CPED1: variants seen among roughly 807,000 people sequenced by gnomAD.
The protein encoded by CPED1 is cadherin like and PC-esterase domain containing 1.
A neutral mutation model predicts 128.2 loss-of-function variants in CPED1; 114 were observed. That is an observed-to-expected ratio of 0.89 (90% CI 0.76 to 1.04). CPED1 has a LOEUF of 1.04. CPED1 is among the 50% of genes least tolerant of loss of function. The pLI is 0.00. For synonymous variants in CPED1, 462 were observed against 426.7 expected, an observed-to-expected ratio of 1.08 and a Z score of -1.02; for missense variants, 1,211 against 1,207.1, an observed-to-expected ratio of 1.00 and a Z score of -0.05.
intron 21 of CPED1, among the ~76,000 whole-genome samples, chr7:121,269,105 G>C (rs907255249): frequency 2.0e-5 from 3 of 151,980 alleles, no homozygotes; most frequent in African/African-American, 7.2e-5. Context: ...TGGTATACAA[G>C]TAAGTGTAGC....
At chr7:121,167,725 ATTTTTTTTTT>A (rs10588976) in intron 16 of CPED1, among the ~76,000 whole-genome samples, 2 of 99,264 alleles carry the variant, frequency 2.0e-5, no homozygotes, top group Non-Finnish European at 2.0e-5. Flanking sequence ...TTTAAAGTCT[ATTTTTTTTTT>A]TTTTTTTTTT....
chr7:121,020,987 T>A (rs1468384887), intron 3 of CPED1, among the ~76,000 whole-genome samples: 1 of 151,962 alleles, frequency 6.6e-6, no homozygotes, highest in African/African-American at 2.4e-5. Flanking sequence ...GTTGAGAGTA[T>A]AACATTACAG....
At chr7:121,255,674 A>G (rs1465964439) in intron 18 of CPED1, among the ~76,000 whole-genome samples, 1 of 152,044 alleles carries the variant, frequency 6.6e-6, no homozygotes. Flanking sequence ...AGAGAATGCC[A>G]AAAGGCTCTT....
At chr7:121,203,980 G>A (rs1797463112) in intron 16 of CPED1, among the ~76,000 whole-genome samples, 1 of 152,238 alleles carries the variant, frequency 6.6e-6, no homozygotes, top group African/African-American at 2.4e-5. Flanking sequence ...ATTTGCACCT[G>A]CACTCAGTGA....
intron 7 of CPED1, among the ~76,000 whole-genome samples, chr7:121,106,619 G>A (rs765806676): frequency 3.6e-4 from 55 of 152,018 alleles, no homozygotes; most frequent in Admixed American, 5.9e-4. Context: ...AGGATAGAAT[G>A]TATGTTTCCC....
intron 16 of CPED1, among the ~76,000 whole-genome samples, chr7:121,222,355 G>A (rs1224606960): frequency 6.6e-6 from 1 of 152,134 alleles, no homozygotes; most frequent in Non-Finnish European, 1.5e-5. Context: ...TTTGTTTACT[G>A]TAGCCTTGTA....
chr7:121,141,120 A>C (rs570311552), intron 15 of CPED1, 107 bp downstream of exon 15: 1 of 839,020 alleles, frequency 1.2e-6, no homozygotes, highest in East Asian at 3.1e-5. Context: ...GATCAGTTGA[A>C]AGATTGCCAG....
At chr7:121,095,226 G>T (rs1794671734) in intron 5 of CPED1, among the ~76,000 whole-genome samples, 1 of 152,070 alleles carries the variant, frequency 6.6e-6, no homozygotes, top group South Asian at 2.1e-4. Flanking sequence ...GAAGGGGGAT[G>T]GATTAATAAA....
chr7:121,125,463 C>T (rs1795480034), intron 8 of CPED1, among the ~76,000 whole-genome samples: 1 of 152,000 alleles, frequency 6.6e-6, no homozygotes, highest in African/African-American at 2.4e-5. Flanking sequence ...CTCTCCTTGC[C>T]CCCCAACCCC....
chr7:121,026,409 C>A (rs114724085), intron 3 of CPED1, among the ~76,000 whole-genome samples: 6 of 152,092 alleles, frequency 3.9e-5, no homozygotes, highest in African/African-American at 1.4e-4. Flanking sequence ...CATCCTTGTG[C>A]TATCATAGTG....
At chr7:121,260,223 G>GTTTTTTTTTTTTT (rs59370305) in intron 18 of CPED1, among the ~76,000 whole-genome samples, 2 of 69,978 alleles carry the variant, frequency 2.9e-5, no homozygotes, top group African/African-American at 5.7e-5. Flanking sequence ...CTTGCTTCGC[G>GTTTTTTTTTTTTT]TTTTTTTTTT....
At position 121,250,511 on chromosome 7, in the gene CPED1, C is replaced by CA. The variant is rs1160294312; in HGVS notation, c.2310+6179dup. 3.3e-5 allele frequency among the ~76,000 whole-genome samples: 5 copies of CA among 152,090 alleles called. No individual in the cohort carries two copies. The South Asian group carries it at 8.3e-4, about 25-fold the overall frequency. ...GGAAATAGAGACACAAAAAACCCTT[C>CA]AAAAAATCAGTGAATCCAGGAGCTG... On this transcript the variant is annotated intron_variant, in intron 18 of 22. Coordinates refer to ENST00000310396, the MANE Select transcript of CPED1 (RefSeq NM_024913.5).
At chr7:121,135,934 G>T in intron 13 of CPED1, 106 bp from the exon 14 acceptor site, 1 of 857,482 alleles carries the variant, frequency 1.2e-6, no homozygotes, top group Non-Finnish European at 1.7e-6. Flanking sequence ...TATAATAAAA[G>T]TTAAATGAAA....
In CPED1 at chr7:121,271,315, T is replaced by G; in HGVS notation, c.2753T>G (p.Leu918Trp). 6.2e-7 allele frequency: 1 copy of G among 1,612,048 alleles called. No individual in the cohort carries two copies. The highest frequency in any genetic ancestry group is 1.1e-5 in the South Asian group (1 of 90,850). ...SEVQNLWKENLIILDTAKKHG... is the reference protein window; with the variant it reads ...SEVQNLWKENWIILDTAKKHG... Reference sequence around the variant, plus strand: ...GTACAGAACTTATGGAAAGAAAATTTGATTATTCTGGATACTGCAAAAAAA... The same window carrying G: ...GTACAGAACTTATGGAAAGAAAATTGGATTATTCTGGATACTGCAAAAAAA... The change falls in exon 22 of 23, where the codon TTG (leucine) becomes TGG (tryptophan). Residue 918 changes from leucine (L) to tryptophan (W), a missense_variant. Physicochemically the swap from Leu to Trp is moderately conservative, Grantham distance 61. Transcript: ENST00000310396.
At chr7:121,110,332 G>C (rs1167265387) in intron 7 of CPED1, among the ~76,000 whole-genome samples, 1 of 152,120 alleles carries the variant, frequency 6.6e-6, no homozygotes, top group Non-Finnish European at 1.5e-5. Context: ...ATGAAAAACA[G>C]ATAATTAATT....
intron 5 of CPED1, among the ~76,000 whole-genome samples, chr7:121,079,262 C>A (rs994503467): frequency 1.3e-5 from 2 of 151,988 alleles, no homozygotes; most frequent in Non-Finnish European, 2.9e-5. Flanking sequence ...CACATGGAAA[C>A]GAGAGAACAG....
chr7:121,201,536 G>A (rs1348024231), intron 16 of CPED1, among the ~76,000 whole-genome samples: 1 of 150,348 alleles, frequency 6.7e-6, no homozygotes, highest in Non-Finnish European at 1.5e-5. Context: ...AGGAAGGAAG[G>A]AAGAAAGGAA....
Position 121,295,540 on chromosome 7 carries a change from A to G in CPED1, c.2969A>G (p.Gln990Arg). 1 of 1,614,160 alleles carries G rather than the reference A, an allele frequency of 6.2e-7. No individual in the cohort carries two copies. Among genetic ancestry groups the G allele is most frequent in the Non-Finnish European group, 8.5e-7 (1 of 1,179,984 alleles). The change falls in exon 23 of 23, where the codon CAA (glutamine) becomes CGA (arginine). Residue 990 changes from glutamine to arginine, a missense_variant. Physicochemically the swap from Gln to Arg is conservative, Grantham distance 43 (BLOSUM62 1). Coordinates refer to ENST00000310396, the MANE Select transcript of CPED1 (RefSeq NM_024913.5). ...GRYFSNQSKL[Q>R]QGTVTNFRSP... is the part of the protein sequence containing the mutation. The stretch of plus-strand genomic sequence containing the variant: ...TATTTCAGCAATCAAAGCAAACTAC[A>G]ACAAGGCACTGTAACAAATTTTCGA...
intron 4 of CPED1, among the ~76,000 whole-genome samples, chr7:121,063,173 A>G (rs964250106): frequency 5.3e-5 from 8 of 152,214 alleles, no homozygotes; most frequent in South Asian, 4.1e-4. Flanking sequence ...TACAGCTATT[A>G]TCGGGGAAAA....
Sources: allele counts gnomAD v4.1 joint callset (sites outside exome capture counted in the v4.1 genomes callset), GRCh38; gene constraint gnomAD v4.1.1; transcripts MANE v1.5; gene names NCBI Gene and HGNC (gene_info 2026-07-23, HGNC 2026-07-21).